The following PLPP7 variants were observed in gnomAD, a reference collection of about 807,000 sequenced individuals.
PLPP7 encodes the protein inactive phospholipid phosphatase 7.
In PLPP7, 11 loss-of-function variants were observed where a neutral mutation model predicts 16.9. The observed-to-expected ratio is 0.65, with a 90% CI of 0.41 to 1.08. The LOEUF is 1.08. Ranked by LOEUF, PLPP7 falls within the 50% of genes least tolerant of loss-of-function variation. PLPP7 has a pLI of 0.00. For missense variants in PLPP7, 358 were observed against 397.1 expected, an observed-to-expected ratio of 0.90 and a Z score of 0.84; for synonymous variants, 174 against 175.1, an observed-to-expected ratio of 0.99 and a Z score of 0.05.
rs1285915201 is a variant in PLPP7 at position 131,290,375 on chromosome 9, C to T, written c.378C>T (p.Ile126=). 13 of 1,604,492 alleles carry T rather than the reference C, an allele frequency of 8.1e-6. No homozygotes were observed. Among genetic ancestry groups the T allele is most frequent in the Non-Finnish European group, 1.0e-5 (12 of 1,175,768 alleles). The change falls in exon 1 of 2, where the codon ATC becomes ATT. Residue 126 remains isoleucine (I), a synonymous_variant. Coordinates refer to ENST00000372264, the MANE Select transcript of PLPP7 (RefSeq NM_032728.4). The surrounding 1 kb of genome is among the most constrained non-coding windows in gnomAD (Gnocchi z 4.2). The part of the protein sequence containing the change: ...IGITGHGIPW[I]GGTILCLVKS... ...TCACGGGCCACGGCATCCCCTGGAT[C>T]GGAGGCACCATCCTCTGCCTGGTGA... is the stretch of plus-strand genomic sequence containing the variant.
At chr9:131,296,159 C>A (rs1835733081) in intron 1 of PLPP7, among the ~76,000 whole-genome samples, 1 of 152,234 alleles carries the variant, frequency 6.6e-6, no homozygotes, top group Non-Finnish European at 1.5e-5. Context: ...TCTTCACCAA[C>A]ACTCATTATC....
At position 131,295,087 on chromosome 9, in the gene PLPP7, C is replaced by T. The variant is rs551053053; in HGVS notation, c.451+4639C>T. Reference sequence around the variant, plus strand: ...CTGAGATCGCACCACTGCACTCCAGCCTGGGCGACAGAGTGAGACTCTGTC... The same window carrying T: ...CTGAGATCGCACCACTGCACTCCAGTCTGGGCGACAGAGTGAGACTCTGTC... On this transcript the variant is annotated intron_variant, in intron 1 of 1. Coordinates refer to ENST00000372264, the MANE Select transcript of PLPP7 (RefSeq NM_032728.4). The surrounding 1 kb of genome is among the most constrained non-coding windows in gnomAD (Gnocchi z 4.0). 4.0e-5 allele frequency among the ~76,000 whole-genome samples: 6 copies of T among 151,422 alleles called. No individual in the cohort carries two copies. The highest frequency in any genetic ancestry group is 1.2e-4 in the African/African-American group (5 of 41,358).
rs1368739780 is a variant in PLPP7, at chr9:131,291,040, C to T, written c.451+592C>T. 14 of 1,363,720 alleles carry T rather than the reference C, an allele frequency of 1.0e-5. No individual in the cohort carries two copies. The East Asian group carries it at 2.7e-4, about 27-fold the overall frequency. 84.5% of individuals were successfully genotyped at this position (1,363,720 alleles called of 1,614,324 possible). A position where few individuals can be genotyped will look rare whatever the true frequency, so the allele number is the denominator to read the frequency against. On this transcript the variant is annotated intron_variant, in intron 1 of 1. Coordinates refer to ENST00000372264, the MANE Select transcript of PLPP7 (RefSeq NM_032728.4). ...CCCTGCTCCTTCCCAGGGGGAGTCA[C>T]TGGAGAAGGGTTCGGGGGGCCAGTT... is the stretch of plus-strand genomic sequence containing the variant.
chr9:131,308,430 G>A lies in PLPP7; in HGVS notation c.*143G>A. 1.5e-6 allele frequency: 2 copies of A among 1,349,232 alleles called. No individual in the cohort carries two copies. The highest frequency in any genetic ancestry group is 2.9e-5 in the Admixed American group (1 of 35,072). The allele number at this position is 1,349,232 out of a possible 1,614,324, so 83.6% of individuals were successfully genotyped here. ...CCCACCTCATCTTCCCCTCCTGGCT[G>A]GAGGCTGGCGAACCCAGGCCACCCC... On this transcript the variant is annotated 3_prime_UTR_variant, in exon 2 of 2. Coordinates refer to ENST00000372264, the MANE Select transcript of PLPP7 (RefSeq NM_032728.4).
intron 1 of PLPP7, among the ~76,000 whole-genome samples, chr9:131,300,630 C>T (rs1213399723): frequency 2.1e-5 from 3 of 145,400 alleles, no homozygotes; most frequent in African/African-American, 7.6e-5. Context: ...TGCAATGAAC[C>T]ATGTTTGCAC....
intron 1 of PLPP7, chr9:131,291,053 C>T (rs202144480): frequency 2.3e-5 from 31 of 1,365,544 alleles, no homozygotes; most frequent in South Asian, 3.4e-5. Flanking sequence ...GAGAAGGGTT[C>T]GGGGGGCCAG....
intron 1 of PLPP7, chr9:131,291,182 G>A (rs1835672003): frequency 7.3e-7 from 1 of 1,365,034 alleles, no homozygotes; most frequent in South Asian, 1.1e-5. Flanking sequence ...ACCCAGAGGT[G>A]ATGCCCAGCC....
chr9:131,296,227 G>A (rs1835733514), intron 1 of PLPP7, among the ~76,000 whole-genome samples: 1 of 151,988 alleles, frequency 6.6e-6, no homozygotes, highest in South Asian at 2.1e-4. Flanking sequence ...TGTGGTTTTG[G>A]GTATTTTTTG....
chr9:131,296,533 C>T (rs574217507), intron 1 of PLPP7, among the ~76,000 whole-genome samples: 5 of 152,180 alleles, frequency 3.3e-5, no homozygotes, highest in East Asian at 1.9e-4. Context: ...GGATTATAGG[C>T]GAGAGCCACG....
At position 131,290,550 on chromosome 9, in the gene PLPP7, CG is replaced by C; in HGVS notation, c.451+104del. Reference sequence around the variant, plus strand: ...CGGGACCTGCACAGCCCTCAGAAACCGGCTGGGATGGTCTAATGAGGTTAGG... The same window carrying C: ...CGGGACCTGCACAGCCCTCAGAAACCGCTGGGATGGTCTAATGAGGTTAGG... On this transcript the variant is annotated intron_variant, in intron 1 of 1. Transcript: ENST00000372264. This position sits in a 1 kb window ranked among gnomAD's most constrained non-coding sequence, Gnocchi z 4.2. 1.7e-6 allele frequency: 2 copies of C among 1,161,134 alleles called. No individual in the cohort carries two copies. The highest frequency in any genetic ancestry group is 2.3e-6 in the Non-Finnish European group (2 of 858,180). The allele number at this position is 1,161,134 out of a possible 1,614,324, so 71.9% of individuals were successfully genotyped here.
rs547605802 is a variant in PLPP7 at position 131,308,866 on chromosome 9, G to A, written c.*579G>A. 6 of 152,862 alleles carry A rather than the reference G, an allele frequency of 3.9e-5. No individual in the cohort carries two copies. Among genetic ancestry groups the A allele is most frequent in the African/African-American group, 1.4e-4 (6 of 41,580 alleles). The allele number at this position is 152,862 out of a possible 1,614,324, so 9.5% of individuals were successfully genotyped here. On this transcript the variant is annotated 3_prime_UTR_variant, in exon 2 of 2. Transcript: ENST00000372264. Reference sequence around the variant, plus strand: ...TGCTGCACACTCTGTCCCCAAGTTGGACATTCACAAAGGCCGTTATTGCCG... The same window carrying A: ...TGCTGCACACTCTGTCCCCAAGTTGAACATTCACAAAGGCCGTTATTGCCG...
intron 1 of PLPP7, among the ~76,000 whole-genome samples, chr9:131,293,204 AC>A (rs1478945088): frequency 3.3e-5 from 5 of 150,680 alleles, no homozygotes; most frequent in South Asian, 2.1e-4. Flanking sequence ...GTGACTGCAA[AC>A]CCCCCCACTC....
In PLPP7 at chr9:131,308,466, A is replaced by C. The variant is rs533516464; in HGVS notation, c.*179A>C. ...AACCCAGGCCACCCCTCCCGGAGAC[A>C]AGCGTGTTTGGCAGTGCCAGGCCTC... On this transcript the variant is annotated 3_prime_UTR_variant, in exon 2 of 2. Coordinates refer to ENST00000372264, the MANE Select transcript of PLPP7 (RefSeq NM_032728.4). The C allele has an allele frequency of 1.9e-6, 2 of 1,079,060 alleles. No individual in the cohort carries two copies. The highest frequency in any genetic ancestry group is 3.2e-5 in the African/African-American group (2 of 62,222). 66.8% of individuals were successfully genotyped at this position (1,079,060 alleles called of 1,614,324 possible). A position where few individuals can be genotyped will look rare whatever the true frequency, so the allele number is the denominator to read the frequency against.
chr9:131,301,813 C>CT (rs59151233), intron 1 of PLPP7, among the ~76,000 whole-genome samples: 198 of 114,732 alleles, frequency 1.7e-3, no homozygotes, highest in African/African-American at 3.8e-3. Context: ...GGAACTTGTT[C>CT]TTTTTTTTTT....
intron 1 of PLPP7, among the ~76,000 whole-genome samples, chr9:131,297,382 G>C (rs1835745159): frequency 7.9e-6 from 1 of 126,400 alleles, no homozygotes. Context: ...TTAGCAGGTG[G>C]AGTCTTTTTT....
chr9:131,294,883 G>T (rs925949131), intron 1 of PLPP7, among the ~76,000 whole-genome samples: 2 of 151,732 alleles, frequency 1.3e-5, no homozygotes, highest in Admixed American at 1.3e-4. Flanking sequence ...GGCGTGAGGT[G>T]ATCCACCCAC....
At chr9:131,296,384 C>T (rs149612361) in intron 1 of PLPP7, among the ~76,000 whole-genome samples, 2 of 152,296 alleles carry the variant, frequency 1.3e-5, no homozygotes, top group African/African-American at 4.8e-5. Flanking sequence ...CTGCCTCTGC[C>T]TCCCAAGTAG....
At chr9:131,306,632 G>A (rs754390836) in intron 1 of PLPP7, among the ~76,000 whole-genome samples, 1 of 152,192 alleles carries the variant, frequency 6.6e-6, no homozygotes, top group East Asian at 1.9e-4. Flanking sequence ...TGCCACATGG[G>A]TGGATGCTGG....
chr9:131,292,796 G>A, intron 1 of PLPP7: 1 of 985,086 alleles, frequency 1.0e-6, no homozygotes, highest in African/African-American at 1.7e-5. Context: ...AGGAATGTTT[G>A]CTTTTAAGAA....
Sources: gnomAD v4.1 joint callset for allele counts (sites outside exome capture counted in the v4.1 genomes callset) on GRCh38, gnomAD v4.1.1 for gene constraint, Gnocchi (gnomAD v3.1) non-coding constraint, MANE v1.5 for transcripts, NCBI Gene and HGNC (gene_info 2026-07-23, HGNC 2026-07-21) for gene names.